Variants in DIP2C observed in about 807,000 individuals in gnomAD.
DIP2C encodes DIP2 acetate--CoA ligase C (putative), also known as disco-interacting protein 2 homolog C.
Under a neutral mutation model 192.4 loss-of-function variants are expected in DIP2C, and 33 were observed. That is an observed-to-expected ratio of 0.17 (90% confidence interval 0.13 to 0.23). The LOEUF (loss-of-function observed/expected upper bound fraction) is 0.23. Among genes scored for constraint, DIP2C ranks in the 10% least tolerant of loss-of-function variants. The pLI, the probability that DIP2C is intolerant of heterozygous loss-of-function variation, is 1.00. For synonymous variants in DIP2C, 979 were observed against 864.1 expected (o/e 1.13, Z -2.33); for missense variants, 1,537 against 2,110.1 (o/e 0.73, Z 5.32).
intron 29 of DIP2C, among the ~76,000 whole-genome samples, chr10:334,901 T>C (rs929314478): frequency 2.0e-5 from 3 of 152,218 alleles, no homozygotes; most frequent in African/African-American, 4.8e-5. Flanking sequence ...ATTTTAAAAC[T>C]GCTTTCACTA....
intron 13 of DIP2C, among the ~76,000 whole-genome samples, chr10:388,769 C>T (rs1159625280): frequency 2.0e-5 from 3 of 152,220 alleles, no homozygotes; most frequent in East Asian, 1.9e-4. Context: ...TGTTTCATTC[C>T]ACAGCGGAGC....
At chr10:441,104 A>C in intron 3 of DIP2C, 108 bp from the exon 4 acceptor site, 56 of 1,294,320 alleles carry the variant, frequency 4.3e-5, no homozygotes, top group Non-Finnish European at 5.2e-5. Flanking sequence ...TCTGAAACTC[A>C]CCAACAGATG....
At chr10:584,596 T>C (rs1359385313) in intron 1 of DIP2C, among the ~76,000 whole-genome samples, 1 of 88,858 alleles carries the variant, frequency 1.1e-5, no homozygotes, top group African/African-American at 4.7e-5. Flanking sequence ...CTCACGCGCA[T>C]CACCTCTCAA....
chr10:489,038 C>T (rs887244108), intron 1 of DIP2C, among the ~76,000 whole-genome samples: 17 of 152,256 alleles, frequency 1.1e-4, no homozygotes, highest in African/African-American at 3.1e-4. Context: ...GGGAAACTTA[C>T]GATGATTCTA....
chr10:507,240 G>C (rs912782139), intron 1 of DIP2C, among the ~76,000 whole-genome samples: 2 of 151,766 alleles, frequency 1.3e-5, no homozygotes, highest in Admixed American at 6.6e-5. Flanking sequence ...ACAGAGGCGT[G>C]AGGTTACGGA....
intron 1 of DIP2C, among the ~76,000 whole-genome samples, chr10:538,546 T>G (rs1847819930): frequency 6.6e-6 from 1 of 152,198 alleles, no homozygotes; most frequent in Admixed American, 6.5e-5. Context: ...GAGAGAGGGA[T>G]GGTTCAGGGT....
chr10:420,998 C>G lies in DIP2C; in HGVS notation c.605-1799G>C, dbSNP rs570449215. Among the ~76,000 whole-genome samples the G allele has an allele frequency of 1.3e-4, 20 of 152,364 alleles. No homozygotes were observed. In the South Asian group the frequency reaches 3.9e-3, roughly 30 times the overall value. On this transcript the variant is annotated intron_variant, in intron 5 of 36. Coordinates refer to ENST00000280886, the MANE Select transcript of DIP2C (RefSeq NM_014974.3). Reference sequence around the variant, plus strand: ...TGTTTGTAGGCTTCTGATTATCTCACAAGGTCAAGTGCAAATCTGACTTTT... The same window carrying G: ...TGTTTGTAGGCTTCTGATTATCTCAGAAGGTCAAGTGCAAATCTGACTTTT...
At chr10:479,456 C>T (rs1237744736) in intron 2 of DIP2C, among the ~76,000 whole-genome samples, 5 of 151,676 alleles carry the variant, frequency 3.3e-5, no homozygotes, top group Admixed American at 6.6e-5. Context: ...ACCTCAGCGT[C>T]CCGAGGAGCT....
At chr10:434,507 CAGCA>C (rs1444434472) in intron 4 of DIP2C, among the ~76,000 whole-genome samples, 3 of 152,162 alleles carry the variant, frequency 2.0e-5, no homozygotes, top group Non-Finnish European at 4.4e-5. Context: ...AACCGGCCTC[CAGCA>C]ATTCTCCCGC....
intron 2 of DIP2C, among the ~76,000 whole-genome samples, chr10:473,137 GAAT>G (rs1331944107): frequency 6.6e-5 from 10 of 152,270 alleles, no homozygotes. Flanking sequence ...ATTACTTGGT[GAAT>G]AACAAAAAAC....
intron 1 of DIP2C, among the ~76,000 whole-genome samples, chr10:555,284 T>C (rs1326495808): frequency 2.6e-5 from 4 of 152,118 alleles, no homozygotes; most frequent in Non-Finnish European, 5.9e-5. Context: ...GTTTTATTGT[T>C]TTTCAGTTTT....
At chr10:614,028 G>A (rs1055992352) in intron 1 of DIP2C, among the ~76,000 whole-genome samples, 7 of 152,098 alleles carry the variant, frequency 4.6e-5, no homozygotes, top group African/African-American at 1.2e-4. Flanking sequence ...TGCATTCAAC[G>A]TCCTCCATGG....
At chr10:368,718 G>A (rs533328781) in intron 18 of DIP2C, among the ~76,000 whole-genome samples, 7 of 152,352 alleles carry the variant, frequency 4.6e-5, no homozygotes, top group Admixed American at 3.3e-4. Context: ...TGCTGAAGGC[G>A]GCAGCACTGC....
chr10:531,707 A>T (rs1847380995), intron 1 of DIP2C, among the ~76,000 whole-genome samples: 1 of 152,104 alleles, frequency 6.6e-6, no homozygotes, highest in Admixed American at 6.5e-5. Flanking sequence ...TGGGGAAATC[A>T]GGATGCAAGC....
chr10:376,088 AAGCTC>A (rs1044784078), intron 17 of DIP2C, among the ~76,000 whole-genome samples: 8 of 152,196 alleles, frequency 5.3e-5, no homozygotes, highest in Admixed American at 5.2e-4. Context: ...GCGTGCTTTC[AAGCTC>A]TGTGTGTGTA....
intron 1 of DIP2C, chr10:668,828 T>A (rs1374257100): frequency 6.6e-6 from 1 of 152,280 alleles, no homozygotes; most frequent in East Asian, 1.9e-4. Flanking sequence ...ATGTTTATCA[T>A]CTGCTCCATG....
chr10:512,049 G>C (rs1213460940), intron 1 of DIP2C, among the ~76,000 whole-genome samples: 1 of 152,174 alleles, frequency 6.6e-6, no homozygotes, highest in Non-Finnish European at 1.5e-5. Context: ...GTCGCCCACA[G>C]ACGGCCGTTC....
chr10:315,346 G>T (rs974257111), intron 31 of DIP2C, among the ~76,000 whole-genome samples: 1 of 151,842 alleles, frequency 6.6e-6, no homozygotes, highest in Non-Finnish European at 1.5e-5. Context: ...TAAAAATTTG[G>T]GCTTCATTTT....
intron 1 of DIP2C, among the ~76,000 whole-genome samples, chr10:571,910 A>C (rs1849838224): frequency 6.6e-6 from 1 of 152,214 alleles, no homozygotes; most frequent in African/African-American, 2.4e-5. Context: ...GCTTCCAAAA[A>C]CTGTCCATCA....
Sources: gnomAD v4.1 joint callset for allele counts (sites outside exome capture counted in the v4.1 genomes callset) on GRCh38, gnomAD v4.1.1 for gene constraint, MANE v1.5 for transcripts, NCBI Gene and HGNC (gene_info 2026-07-23, HGNC 2026-07-21) for gene names.